Variants in ZNF487 observed in about 807,000 individuals in gnomAD.
The protein encoded by ZNF487 is zinc finger protein 487.
In ZNF487, 4 loss-of-function variants were observed where a neutral mutation model predicts 3.0. The observed-to-expected ratio is 1.35, with a 90% CI of 0.66 to 3.08. The LOEUF (loss-of-function observed/expected upper bound fraction) is 3.08. Among genes scored for constraint, ZNF487 ranks in the 30% most tolerant of loss-of-function variants. ZNF487 has a pLI of 0.01. For synonymous variants in ZNF487, 55 were observed against 34.6 expected (o/e 1.59, Z -2.06); for missense variants, 146 against 98.7 (o/e 1.48, Z -2.03).
At chr10:43,475,157 C>G (rs1166135053) in intron 1 of ZNF487, among the ~76,000 whole-genome samples, 1 of 152,182 alleles carries the variant, frequency 6.6e-6, no homozygotes, top group Non-Finnish European at 1.5e-5. Flanking sequence ...GTTGGAGATT[C>G]TCCGGGGACC....
chr10:43,483,699 T>C (rs1841444341), downstream of ZNF487, among the ~76,000 whole-genome samples: 1 of 152,204 alleles, frequency 6.6e-6, no homozygotes, highest in Admixed American at 6.5e-5. Context: ...AGCTAATTTT[T>C]GTATTTTTTG....
In ZNF487 at chr10:43,481,990, AG is replaced by A; in HGVS notation, c.*70del. ...CATTGTTCATCAGAGAACTCACATA[AG>A]GAAGAGTCACCATGAATTCAATGAA... On this transcript the variant is annotated 3_prime_UTR_variant, in exon 4 of 4. Coordinates refer to ENST00000437590, the MANE Select transcript of ZNF487 (RefSeq NM_001355444.3). 1.7e-6 allele frequency: 1 copy of A among 594,178 alleles called. No homozygotes were observed. The highest frequency in any genetic ancestry group is 3.0e-6 in the Non-Finnish European group (1 of 337,356). The allele number at this position is 594,178 out of a possible 1,614,324, so 36.8% of individuals were successfully genotyped here.
intron 1 of ZNF487, among the ~76,000 whole-genome samples, chr10:43,437,755 C>T (rs1440659499): frequency 6.6e-6 from 1 of 152,052 alleles, no homozygotes; most frequent in South Asian, 2.1e-4. Flanking sequence ...TTTTTTCCTC[C>T]GGAAATTTTC....
At chr10:43,443,113 A>C (rs1277542654) in intron 1 of ZNF487, among the ~76,000 whole-genome samples, 2 of 126,944 alleles carry the variant, frequency 1.6e-5, no homozygotes, top group Non-Finnish European at 3.1e-5. Context: ...CTCAGGCTGG[A>C]GTGCAATGGC....
Position 43,480,707 on chromosome 10 carries a change from C to T in ZNF487, c.131-722C>T, listed in dbSNP as rs560869317. ...CTGGGATTACAGGCGTGAGCCACTG[C>T]GCCCACCTCTCTCTCTCTCTCTTTT... On this transcript the variant is annotated intron_variant, in intron 3 of 3. Transcript: ENST00000437590. Among the ~76,000 whole-genome samples the T allele has an allele frequency of 1.3e-3, 195 of 151,730 alleles. 1 individual carries two copies. Among genetic ancestry groups the T allele is most frequent in the African/African-American group, 4.1e-3 (170 of 41,418 alleles).
intron 1 of ZNF487, chr10:43,454,015 T>A (rs1313230455): frequency 2.0e-5 from 3 of 152,194 alleles, no homozygotes; most frequent in Non-Finnish European, 4.4e-5. Context: ...TTTAATATTT[T>A]AAAAAATTGT....
At chr10:43,520,820 C>CAAA in the ZNF487 span, among the ~76,000 whole-genome samples, 1 of 152,134 alleles carries the variant, frequency 6.6e-6, no homozygotes, top group African/African-American at 2.4e-5. Flanking sequence ...TGGGGATGAG[C>CAAA]AATTATGGAG....
chr10:43,482,862 C>A lies in ZNF487; in HGVS notation c.*940C>A, dbSNP rs755135465. 1.9e-6 allele frequency: 1 copy of A among 529,762 alleles called. No homozygotes were observed. Among genetic ancestry groups the A allele is most frequent in the South Asian group, 1.4e-5 (1 of 71,360 alleles). 32.8% of individuals were successfully genotyped at this position (529,762 alleles called of 1,614,324 possible). A position where few individuals can be genotyped will look rare whatever the true frequency, so the allele number is the denominator to read the frequency against. ...TAATGAATGTGAGAAAATGTTCTACCACAAGTCATCCCTCACAGTACATCA... is the reference window on the plus strand; with the variant it reads ...TAATGAATGTGAGAAAATGTTCTACAACAAGTCATCCCTCACAGTACATCA... On this transcript the variant is annotated 3_prime_UTR_variant, in exon 4 of 4. Transcript: ENST00000437590.
chr10:43,503,971 C>G, the ZNF487 span, among the ~76,000 whole-genome samples: 1 of 152,142 alleles, frequency 6.6e-6, no homozygotes, highest in Admixed American at 6.6e-5. Context: ...CAAATACTTA[C>G]CATTGTGTTA....
At chr10:43,480,839 T>G (rs1383459550) in intron 3 of ZNF487, among the ~76,000 whole-genome samples, 1 of 152,130 alleles carries the variant, frequency 6.6e-6, no homozygotes, top group African/African-American at 2.4e-5. Flanking sequence ...TTCACAATTA[T>G]TAGGCAAATC....
At chr10:43,460,673 C>A (rs148366911) in intron 1 of ZNF487, among the ~76,000 whole-genome samples, 1 of 151,270 alleles carries the variant, frequency 6.6e-6, no homozygotes, top group Non-Finnish European at 1.5e-5. Context: ...CCATGCCTGG[C>A]TGTTATTTTC....
chr10:43,486,499 C>T (rs1394920927), downstream of ZNF487, among the ~76,000 whole-genome samples: 4 of 151,298 alleles, frequency 2.6e-5, no homozygotes, highest in African/African-American at 9.7e-5. Context: ...GCACTACAGC[C>T]TGGGCAACAA....
intron 1 of ZNF487, among the ~76,000 whole-genome samples, chr10:43,462,774 T>G (rs7081729): frequency 1.3e-5 from 2 of 149,326 alleles, no homozygotes; most frequent in Admixed American, 1.3e-4. Context: ...CTTTCTTTTT[T>G]TTTTTATAAA....
At chr10:43,514,092 C>T in the ZNF487 span, among the ~76,000 whole-genome samples, 1 of 152,132 alleles carries the variant, frequency 6.6e-6, no homozygotes, top group Non-Finnish European at 1.5e-5. Context: ...TGGCTCAAGT[C>T]TGGAAATTGA....
downstream of ZNF487, among the ~76,000 whole-genome samples, chr10:43,485,577 G>A (rs1841464148): frequency 1.3e-5 from 2 of 152,152 alleles, no homozygotes; most frequent in African/African-American, 4.8e-5. Flanking sequence ...GGGAACAAAG[G>A]ACTCAAGAGC....
At chr10:43,503,839 C>G in the ZNF487 span, among the ~76,000 whole-genome samples, 1 of 152,184 alleles carries the variant, frequency 6.6e-6, no homozygotes. Context: ...AACTCCTGGT[C>G]TCAAGGAATC....
intron 1 of ZNF487, among the ~76,000 whole-genome samples, chr10:43,457,558 G>A (rs3006386): frequency 0.68 from 92,554 of 136,794 alleles, 31,965 homozygotes; most frequent in Non-Finnish European, 0.77. Context: ...CTGTCTTGGG[G>A]AAAAAAAAAA....
At chr10:43,496,154 G>T in the ZNF487 span, 9 of 510,216 alleles carry the variant, frequency 1.8e-5, no homozygotes, top group African/African-American at 3.9e-5. Context: ...TAAGGATTGC[G>T]TTTTATATAC....
the ZNF487 span, among the ~76,000 whole-genome samples, chr10:43,496,279 A>G: frequency 0.13 from 19,192 of 152,188 alleles, 2,616 homozygotes; most frequent in African/African-American, 0.34. Flanking sequence ...CTGTAGGTAT[A>G]AGGTGACCTT....
Sources: allele counts gnomAD v4.1 joint callset (sites outside exome capture counted in the v4.1 genomes callset), GRCh38; gene constraint gnomAD v4.1.1; transcripts MANE v1.5; gene names NCBI Gene and HGNC (gene_info 2026-07-23, HGNC 2026-07-21).